MOB1A: variants seen among roughly 807,000 people sequenced by gnomAD.
The protein encoded by MOB1A is MOB kinase activator 1A, also known as MOB1 Mps One Binder homolog A.
In MOB1A, 10 loss-of-function variants were observed where a neutral mutation model predicts 25.1. That is an observed-to-expected ratio of 0.40 (90% CI 0.25 to 0.68). The LOEUF (loss-of-function observed/expected upper bound fraction) is 0.68. Among genes scored for constraint, MOB1A ranks in the 30% least tolerant of loss-of-function variants. The pLI, the probability that MOB1A is intolerant of heterozygous loss-of-function variation, is 0.40. For synonymous variants in MOB1A, 81 were observed against 79.5 expected (o/e 1.02, Z -0.10); for missense variants, 177 against 256.3 (o/e 0.69, Z 2.11).
intron 1 of MOB1A, 53 bp downstream of exon 1, chr2:74,178,608 T>A: frequency 7.5e-7 from 1 of 1,326,186 alleles, no homozygotes; most frequent in Admixed American, 3.6e-5. Flanking sequence ...CGGGGAGGCC[T>A]CCCCCACAAC....
intron 1 of MOB1A, among the ~76,000 whole-genome samples, chr2:74,177,713 A>G (rs1204401424): frequency 6.6e-6 from 1 of 152,230 alleles, no homozygotes; most frequent in Non-Finnish European, 1.5e-5. Context: ...TTTAATAAAA[A>G]TGTCAAGCAT....
At chr2:74,170,935 T>A (rs930851622) in intron 2 of MOB1A, among the ~76,000 whole-genome samples, 1 of 151,530 alleles carries the variant, frequency 6.6e-6, no homozygotes, top group Non-Finnish European at 1.5e-5. Context: ...CAGGCCTCTT[T>A]GGATCCTGAT....
chr2:74,168,380 T>C (rs1693190354), intron 2 of MOB1A, among the ~76,000 whole-genome samples: 1 of 152,208 alleles, frequency 6.6e-6, no homozygotes, highest in Non-Finnish European at 1.5e-5. Context: ...AAAAAATGTT[T>C]TAGGCTAGGT....
At chr2:74,178,568 G>C (rs1572971344) in intron 1 of MOB1A, 93 bp downstream of exon 1, 1 of 930,214 alleles carries the variant, frequency 1.1e-6, no homozygotes, top group Non-Finnish European at 1.4e-6. Context: ...CCCCCGCCTC[G>C]GCCCCCAGGC....
chr2:74,154,587 CTT>C lies in MOB1A; in HGVS notation c.*1979_*1980del, dbSNP rs1692751149. 6.8e-6 allele frequency: 1 copy of C among 145,992 alleles called. No homozygotes were observed. The highest frequency in any genetic ancestry group is 1.5e-5 in the Non-Finnish European group (1 of 66,042). The allele number at this position is 145,992 out of a possible 1,614,324, so 9.0% of individuals were successfully genotyped here. A position where few individuals can be genotyped will look rare whatever the true frequency, so the allele number is the denominator to read the frequency against. On this transcript the variant is annotated 3_prime_UTR_variant, in exon 6 of 6. Transcript: ENST00000396049. ...AAATAAATGGAGAAAAGTGGTAACT[CTT>C]TTGTTTGAGAATATTTGAAATACTA...
intron 1 of MOB1A, among the ~76,000 whole-genome samples, chr2:74,176,974 G>A (rs1339634345): frequency 6.6e-6 from 1 of 152,030 alleles, no homozygotes; most frequent in Non-Finnish European, 1.5e-5. Flanking sequence ...GCAAAAACCT[G>A]TCACATATGT....
intron 4 of MOB1A, among the ~76,000 whole-genome samples, chr2:74,160,888 G>A (rs1393104977): frequency 2.0e-5 from 3 of 151,860 alleles, no homozygotes; most frequent in African/African-American, 7.3e-5. Flanking sequence ...GTGAAACCCT[G>A]TCTCTACTAA....
chr2:74,172,689 A>G lies in MOB1A; in HGVS notation c.78T>C (p.Tyr26=). Residue 26 remains tyrosine (Y), a synonymous_variant, in exon 2 of 6, where the codon TAT becomes TAC. Transcript: ENST00000396049. ...TTGCTTCTGCATGTTTTAAGAGTTC[A>G]TACTGATGAGATCCTTCAGGGATAT... ...KKNIPEGSHQ[Y]ELLKHAEATL... is the part of the protein sequence containing the mutation. 1.2e-6 allele frequency: 2 copies of G among 1,613,996 alleles called. No individual in the cohort carries two copies. The highest frequency in any genetic ancestry group is 3.3e-5 in the Admixed American group (2 of 60,014).
At chr2:74,160,036 C>T (rs539144737) in intron 4 of MOB1A, among the ~76,000 whole-genome samples, 5 of 152,182 alleles carry the variant, frequency 3.3e-5, no homozygotes, top group South Asian at 2.1e-4. Flanking sequence ...AGCCTGGTCT[C>T]GAATTCCTGG....
rs79387476 is a variant in MOB1A at position 74,172,769 on chromosome 2, G to A, written c.15-17C>T. On this transcript the variant is annotated splice_polypyrimidine_tract_variant and intron_variant, in intron 1 of 5. Coordinates refer to ENST00000396049, the MANE Select transcript of MOB1A (RefSeq NM_018221.5). ...CGGCTGCTGCTGTAAGATTAAAAGT[G>A]CAAGTATATGAATTTTTAAGACTGG... 86 of 1,605,522 alleles carry A rather than the reference G, an allele frequency of 5.4e-5. No individual in the cohort carries two copies. In the African/African-American group the frequency reaches 9.9e-4, roughly 18 times the overall value.
chr2:74,177,417 TAAATA>T (rs893854739), intron 1 of MOB1A, among the ~76,000 whole-genome samples: 8 of 152,170 alleles, frequency 5.3e-5, no homozygotes, highest in African/African-American at 1.9e-4. Context: ...ATTCACTAAT[TAAATA>T]TCAACTCGTA....
At chr2:74,173,669 T>C (rs1426697745) in intron 1 of MOB1A, among the ~76,000 whole-genome samples, 1 of 150,674 alleles carries the variant, frequency 6.6e-6, no homozygotes, top group Admixed American at 6.6e-5. Context: ...GATGGGGCCA[T>C]GCCGGGCGCG....
At chr2:74,166,758 C>T (rs566864469) in intron 3 of MOB1A, among the ~76,000 whole-genome samples, 1 of 152,294 alleles carries the variant, frequency 6.6e-6, no homozygotes, top group East Asian at 1.9e-4. Flanking sequence ...ACCGCTTGAA[C>T]CCGGAAGGCA....
intron 1 of MOB1A, among the ~76,000 whole-genome samples, chr2:74,177,089 G>C: frequency 6.6e-6 from 1 of 152,128 alleles, no homozygotes; most frequent in East Asian, 1.9e-4. Context: ...TGCGGGAGTG[G>C]ATCATCTGAG....
At chr2:74,169,933 T>A (rs1186286256) in intron 2 of MOB1A, among the ~76,000 whole-genome samples, 4 of 150,432 alleles carry the variant, frequency 2.7e-5, no homozygotes, top group African/African-American at 9.8e-5. Context: ...CCAGCTTGTA[T>A]TTTACTTTTT....
chr2:74,155,858 A>G lies in MOB1A; in HGVS notation c.*710T>C, dbSNP rs1272698753. 6.6e-6 allele frequency: 1 copy of G among 152,224 alleles called. No individual in the cohort carries two copies. Among genetic ancestry groups the G allele is most frequent in the Non-Finnish European group, 1.5e-5 (1 of 67,968 alleles). 9.4% of individuals were successfully genotyped at this position (152,224 alleles called of 1,614,324 possible). Reference sequence around the variant, plus strand: ...TTAAAAAATTACTTCTGATACACACACTCCTAATAATTTAGATAGATATGA... The same window carrying G: ...TTAAAAAATTACTTCTGATACACACGCTCCTAATAATTTAGATAGATATGA... On this transcript the variant is annotated 3_prime_UTR_variant, in exon 6 of 6. Transcript: ENST00000396049.
intron 2 of MOB1A, among the ~76,000 whole-genome samples, chr2:74,170,724 C>CAAA (rs34655105): frequency 0.15 from 18,764 of 121,468 alleles, 1,606 homozygotes; most frequent in East Asian, 0.36. Context: ...GATTCCATCT[C>CAAA]AAAAAAAAAA....
chr2:74,162,765 A>G (rs1325755900), intron 4 of MOB1A, among the ~76,000 whole-genome samples: 1 of 152,190 alleles, frequency 6.6e-6, no homozygotes, highest in African/African-American at 2.4e-5. Context: ...AGACTGCAAA[A>G]AGGAATTCAA....
At chr2:74,171,151 A>T (rs1470385440) in intron 2 of MOB1A, among the ~76,000 whole-genome samples, 1 of 151,742 alleles carries the variant, frequency 6.6e-6, no homozygotes, top group Non-Finnish European at 1.5e-5. Context: ...GTGGTGGCGG[A>T]CACCTGTAAT....
Sources: allele counts gnomAD v4.1 joint callset (sites outside exome capture counted in the v4.1 genomes callset), GRCh38; gene constraint gnomAD v4.1.1; transcripts MANE v1.5; gene names NCBI Gene and HGNC (gene_info 2026-07-23, HGNC 2026-07-21).